ADAM18: variants seen among roughly 807,000 people sequenced by gnomAD.
ADAM18 encodes disintegrin and metalloproteinase domain-containing protein 18.
ADAM18 carries 117 observed loss-of-function variants against 94.4 expected under a neutral mutation model. The ratio of observed to expected loss-of-function variants is 1.24; its 90% CI spans 1.07 to 1.45. The LOEUF (loss-of-function observed/expected upper bound fraction) is 1.45, where lower values mean the gene tolerates loss of function less well. Among genes scored for constraint, ADAM18 ranks in the 40% most tolerant of loss-of-function variants. The pLI is 0.00. For missense variants in ADAM18, 936 were observed against 880.0 expected (o/e 1.06, Z -0.81); for synonymous variants, 327 against 291.6 (o/e 1.12, Z -1.24).
At chr8:39,597,404 T>A (rs559113050) in intron 2 of ADAM18, among the ~76,000 whole-genome samples, 3 of 152,208 alleles carry the variant, frequency 2.0e-5, no homozygotes, top group Non-Finnish European at 4.4e-5. Context: ...TTTATAGTTG[T>A]GTATTTTACA....
At chr8:39,648,068 A>G (rs1225197235) in intron 11 of ADAM18, among the ~76,000 whole-genome samples, 1 of 152,202 alleles carries the variant, frequency 6.6e-6, no homozygotes, top group Non-Finnish European at 1.5e-5. Flanking sequence ...AGATGGTTAG[A>G]TATAGAGATA....
At chr8:39,691,013 T>C (rs973801082) in intron 16 of ADAM18, among the ~76,000 whole-genome samples, 3 of 152,248 alleles carry the variant, frequency 2.0e-5, no homozygotes, top group East Asian at 1.9e-4. Context: ...TGGAATACTA[T>C]GCAGTCCTAA....
chr8:39,667,912 A>G, intron 13 of ADAM18, 86 bp from the exon 14 acceptor site: 1 of 1,364,096 alleles, frequency 7.3e-7, no homozygotes, highest in South Asian at 1.3e-5. Context: ...CAATAATTAG[A>G]AACATTTTAT....
intron 11 of ADAM18, among the ~76,000 whole-genome samples, chr8:39,647,988 CCTA>C: frequency 6.6e-6 from 1 of 151,892 alleles, no homozygotes; most frequent in Non-Finnish European, 1.5e-5. Flanking sequence ...CTTTCTTTTC[CCTA>C]CAAAATGAAG....
intron 6 of ADAM18, 26 bp from the exon 7 acceptor site, chr8:39,629,348 T>C (rs1819867737): frequency 6.6e-7 from 1 of 1,516,434 alleles, no homozygotes; most frequent in African/African-American, 1.4e-5. Flanking sequence ...TAACATTTTA[T>C]AAATCCCGTT....
chr8:39,715,862 A>C (rs1264831634), intron 18 of ADAM18, among the ~76,000 whole-genome samples: 2 of 152,072 alleles, frequency 1.3e-5, no homozygotes, highest in Non-Finnish European at 2.9e-5. Flanking sequence ...ATAACCAAAC[A>C]TTTAAGTAAG....
chr8:39,595,304 G>T (rs959273062), intron 2 of ADAM18, among the ~76,000 whole-genome samples: 1 of 151,998 alleles, frequency 6.6e-6, no homozygotes, highest in Non-Finnish European at 1.5e-5. Context: ...CACTGCCATG[G>T]AGGTGGTGCT....
At chr8:39,612,549 G>C (rs904759467) in intron 6 of ADAM18, among the ~76,000 whole-genome samples, 1 of 152,122 alleles carries the variant, frequency 6.6e-6, no homozygotes, top group Non-Finnish European at 1.5e-5. Context: ...TTTGGTTCAG[G>C]AAGAGCTGCA....
In ADAM18 at chr8:39,629,354, C is replaced by T. The variant is rs1312070377; in HGVS notation, c.523-20C>T. ...AATACATGTTAACATTTTATAAATC[C>T]CGTTGTTGTTGTTTTCCAGATAAAA... On this transcript the variant is annotated intron_variant, in intron 6 of 19. Transcript: ENST00000265707. 2 of 1,524,644 alleles carry T rather than the reference C, an allele frequency of 1.3e-6. No individual in the cohort carries two copies. The highest frequency in any genetic ancestry group is 1.4e-5 in the African/African-American group (1 of 71,098). The allele number at this position is 1,524,644 out of a possible 1,614,324, so 94.4% of individuals were successfully genotyped here. A position where few individuals can be genotyped will look rare whatever the true frequency, so the allele number is the denominator to read the frequency against.
chr8:39,706,714 ATATCAGATACAAAGACCTTG>A (rs747316623), intron 17 of ADAM18, 56 bp from the exon 18 acceptor site: 149 of 629,740 alleles, frequency 2.4e-4, no homozygotes, highest in African/African-American at 2.2e-3. Flanking sequence ...TTAGTTATTT[ATATCAGATACAAAGACCTTG>A]TATCAGATAC....
chr8:39,611,574 G>A lies in ADAM18; in HGVS notation c.522+868G>A, dbSNP rs187742233. ...GATAAATAAAAAAAGCATTCTTCTC[G>A]GGTTTCTGGTTTCAGGTAAGAGATA... On this transcript the variant is annotated intron_variant, in intron 6 of 19. Transcript: ENST00000265707. 71 of 985,202 alleles carry A rather than the reference G, an allele frequency of 7.2e-5. 2 individuals are homozygous for A. In the East Asian group the frequency reaches 5.2e-3, roughly 73 times the overall value. 61.0% of individuals were successfully genotyped at this position (985,202 alleles called of 1,614,324 possible). A position where few individuals can be genotyped will look rare whatever the true frequency, so the allele number is the denominator to read the frequency against.
At chr8:39,720,914 T>G (rs570008168) in intron 18 of ADAM18, among the ~76,000 whole-genome samples, 1 of 151,602 alleles carries the variant, frequency 6.6e-6, no homozygotes, top group South Asian at 2.1e-4. Context: ...CCAAAAGACA[T>G]GCTGTAGAAT....
chr8:39,654,687 A>G (rs1820638862), intron 12 of ADAM18, among the ~76,000 whole-genome samples: 1 of 152,102 alleles, frequency 6.6e-6, no homozygotes, highest in African/African-American at 2.4e-5. Context: ...TCCCTTTCTC[A>G]GCATCCACAT....
chr8:39,599,466 C>CAGTG (rs1228749092), intron 2 of ADAM18, among the ~76,000 whole-genome samples: 2 of 151,836 alleles, frequency 1.3e-5, no homozygotes, highest in Non-Finnish European at 2.9e-5. Flanking sequence ...TAGAATTTAC[C>CAGTG]AGTGAATCCA....
intron 18 of ADAM18, among the ~76,000 whole-genome samples, chr8:39,721,756 A>G (rs974419878): frequency 6.6e-6 from 1 of 151,460 alleles, no homozygotes; most frequent in Non-Finnish European, 1.5e-5. Flanking sequence ...AAAACAACAG[A>G]TGTAGGTGAA....
intron 13 of ADAM18, among the ~76,000 whole-genome samples, chr8:39,665,269 A>G (rs552836185): frequency 1.3e-5 from 2 of 152,342 alleles, no homozygotes; most frequent in Admixed American, 6.5e-5. Flanking sequence ...TTAGCAGATC[A>G]TTCCTTTATA....
chr8:39,589,528 T>C (rs1264912031), intron 2 of ADAM18, among the ~76,000 whole-genome samples: 1 of 152,026 alleles, frequency 6.6e-6, no homozygotes, highest in Non-Finnish European at 1.5e-5. Flanking sequence ...ATGTGTATGT[T>C]ATGTATATCA....
chr8:39,604,703 A>T (rs1186614479), intron 2 of ADAM18: 1 of 152,220 alleles, frequency 6.6e-6, no homozygotes, highest in Non-Finnish European at 1.5e-5. Flanking sequence ...AGCCAAGCAG[A>T]TGTTGGTCCC....
chr8:39,688,341 C>G (rs892072193), intron 16 of ADAM18, among the ~76,000 whole-genome samples: 2 of 152,072 alleles, frequency 1.3e-5, no homozygotes, highest in African/African-American at 4.8e-5. Context: ...AGGTATTAAG[C>G]CTAGTACCCA....
Sources: gnomAD v4.1 joint callset for allele counts (sites outside exome capture counted in the v4.1 genomes callset) on GRCh38, gnomAD v4.1.1 for gene constraint, MANE v1.5 for transcripts, NCBI Gene and HGNC (gene_info 2026-07-23, HGNC 2026-07-21) for gene names.